SPTBN5: variants seen among roughly 807,000 people sequenced by gnomAD.
SPTBN5 encodes the protein spectrin beta chain, non-erythrocytic 5.
In SPTBN5, 513 loss-of-function variants were observed where a neutral mutation model predicts 477.6. The ratio of observed to expected loss-of-function variants is 1.07; its 90% CI spans 1.00 to 1.16. The LOEUF is 1.16. Ranked by LOEUF, SPTBN5 falls within the 50% of genes most tolerant of loss-of-function variation. The probability of loss-of-function intolerance (pLI) is 0.00; values close to 1 mark genes in which losing one functional copy is unlikely to be tolerated. For missense variants in SPTBN5, 5,062 were observed against 4,731.8 expected, an observed-to-expected ratio of 1.07 and a Z score of -2.05; for synonymous variants, 2,169 against 2,011.7, an observed-to-expected ratio of 1.08 and a Z score of -2.09.
chr15:41,888,364 C>T (rs1418873797), intron 4 of SPTBN5, among the ~76,000 whole-genome samples: 1 of 152,276 alleles, frequency 6.6e-6, no homozygotes, highest in African/African-American at 2.4e-5. Flanking sequence ...GGTGATCACA[C>T]AGCAACAGCT....
chr15:41,880,243 A>G lies in SPTBN5; in HGVS notation c.2728T>C (p.Leu910=), dbSNP rs758959405. Reference sequence around the variant, plus strand: ...AGCACTGTCTGCTTCTCCAGCCACAACTGGAGCTCCCCACAGGAACTGCAG... The same window carrying G: ...AGCACTGTCTGCTTCTCCAGCCACAGCTGGAGCTCCCCACAGGAACTGCAG... ...GFCSSCGELQ[L]WLEKQTVLLQ... The change falls in exon 14 of 68, where the codon TTG becomes CTG. Residue 910 remains leucine (L), a synonymous_variant. Coordinates refer to ENST00000320955, the MANE Select transcript of SPTBN5 (RefSeq NM_016642.4). 4 of 1,607,318 alleles carry G rather than the reference A, an allele frequency of 2.5e-6. No homozygotes were observed. The highest frequency in any genetic ancestry group is 2.2e-5 in the East Asian group (1 of 44,686).
At chr15:41,876,433 A>G (rs2066730132) in intron 20 of SPTBN5, 115 bp downstream of exon 20, 1 of 1,332,782 alleles carries the variant, frequency 7.5e-7, no homozygotes, top group African/African-American at 1.5e-5. Context: ...GAAGGTGTTG[A>G]GAGGATGAAT....
rs767762470 is a variant in SPTBN5 at position 41,869,973 on chromosome 15, C to T, written c.5721G>A (p.Pro1907=). Residue 1907 remains proline, a synonymous_variant, in exon 32 of 68, where the codon CCG becomes CCA. Coordinates refer to ENST00000320955, the MANE Select transcript of SPTBN5 (RefSeq NM_016642.4). ...GCTGCACCGCATGGGCCTGAGGCCCCGGACACAGCTTCTGCACCCTGCCTG... is the reference window on the plus strand; with the variant it reads ...GCTGCACCGCATGGGCCTGAGGCCCTGGACACAGCTTCTGCACCCTGCCTG... ...ETAGRVQKLC[P]GPQAHAVQQR... is the part of the protein sequence containing the mutation. 2.7e-5 allele frequency: 42 copies of T among 1,536,066 alleles called. 1 individual carries two copies. The highest frequency in any genetic ancestry group is 2.3e-4 in the South Asian group (19 of 81,946).
Position 41,879,717 on chromosome 15 carries a change from T to A in SPTBN5, c.2942+17A>T, listed in dbSNP as rs749793076. 1.2e-6 allele frequency: 2 copies of A among 1,612,934 alleles called. No homozygotes were observed. The highest frequency in any genetic ancestry group is 4.5e-5 in the East Asian group (2 of 44,866). On this transcript the variant is annotated intron_variant, in intron 15 of 67. Coordinates refer to ENST00000320955, the MANE Select transcript of SPTBN5 (RefSeq NM_016642.4). ...TGTCTGCCTGCCTCACCACCTGCAC[T>A]CCTGCCTCATTCTCACCTCTGGCTC...
intron 55 of SPTBN5, 37 bp from the exon 56 acceptor site, chr15:41,855,013 TG>T (rs1459812108): frequency 1.3e-6 from 2 of 1,503,954 alleles, no homozygotes; most frequent in African/African-American, 2.8e-5. Flanking sequence ...TCACTTGAGA[TG>T]GTATCATGAG....
Position 41,878,403 on chromosome 15 carries a change from C to G in SPTBN5, c.3409G>C (p.Ala1137Pro). 6.2e-7 allele frequency: 1 copy of G among 1,613,812 alleles called. No individual in the cohort carries two copies. ...SKEVSVDVAS[A>P]QRLLREHQDL... ...TGGTGCTCCCTCAGCAGCCGCTGAG[C>G]CGAGGCCACATCCACTGACACCTCC... The change falls in exon 17 of 68, where the codon GCT becomes CCT. Residue 1137 changes from alanine (A) to proline (P), a missense_variant. Coordinates refer to ENST00000320955, the MANE Select transcript of SPTBN5 (RefSeq NM_016642.4).
Position 41,868,569 on chromosome 15 carries a change from C to G in SPTBN5, c.5886G>C (p.Val1962=). The G allele has an allele frequency of 6.2e-7, 1 of 1,601,630 alleles. No individual in the cohort carries two copies. Among genetic ancestry groups the G allele is most frequent in the Non-Finnish European group, 8.5e-7 (1 of 1,179,670 alleles). The change falls in exon 33 of 68, where the codon GTG becomes GTC. Residue 1962 remains valine, a synonymous_variant. Coordinates refer to ENST00000320955, the MANE Select transcript of SPTBN5 (RefSeq NM_016642.4). ...VRDYASWAAR[V]RQDLQVEESS... The stretch of plus-strand genomic sequence containing the variant: ...TCTCCTCCACCTGCAGGTCCTGGCG[C>G]ACGCGGGCTGCCCAGGAGGCATAGT...
intron 47 of SPTBN5, 22 bp downstream of exon 47, chr15:41,860,564 C>G: frequency 1.4e-6 from 2 of 1,379,330 alleles, no homozygotes; most frequent in Non-Finnish European, 1.9e-6. Context: ...CACAGCACCC[C>G]TCACCCCAGA....
chr15:41,881,311 C>T (rs907690134), intron 12 of SPTBN5, 77 bp from the exon 13 acceptor site: 9 of 1,266,880 alleles, frequency 7.1e-6, no homozygotes, highest in African/African-American at 3.0e-5. Context: ...CCCCTACCTC[C>T]GTGCCCTGAG....
chr15:41,866,005 C>G (rs558585006), intron 38 of SPTBN5, 33 bp downstream of exon 38: 12 of 1,548,582 alleles, frequency 7.7e-6, no homozygotes, highest in South Asian at 3.6e-5. Flanking sequence ...CTCCTCCCCC[C>G]ATCTCTCAGC....
At chr15:41,856,032 C>G (rs1567186250) in intron 53 of SPTBN5, among the ~76,000 whole-genome samples, 1 of 152,252 alleles carries the variant, frequency 6.6e-6, no homozygotes, top group South Asian at 2.1e-4. Flanking sequence ...GCAAATATTC[C>G]TTGCAGTGTT....
Position 41,872,438 on chromosome 15 carries a change from T to C in SPTBN5, c.5029A>G (p.Ile1677Val). 6.4e-7 allele frequency: 1 copy of C among 1,568,710 alleles called. No homozygotes were observed. Among genetic ancestry groups the C allele is most frequent in the Non-Finnish European group, 8.6e-7 (1 of 1,157,380 alleles). The change falls in exon 27 of 68, where the codon ATT becomes GTT. Residue 1677 changes from isoleucine to valine, a missense_variant. Transcript: ENST00000320955. The stretch of plus-strand genomic sequence containing the variant: ...AGCTCCTCCATGGAGCTCCAGTAAA[T>C]GGCTAGTTCCTCCTGTAGAGCCTAT... ...KHQALQEELAIYWSSMEELDQ... is the reference protein window; with the variant it reads ...KHQALQEELAVYWSSMEELDQ...
intron 4 of SPTBN5, 41 bp from the exon 5 acceptor site, chr15:41,888,126 G>A (rs1055252756): frequency 1.3e-6 from 2 of 1,538,944 alleles, no homozygotes; most frequent in East Asian, 4.9e-5. Context: ...CGGGGATGGG[G>A]TGGGGAGGCA....
Position 41,886,230 on chromosome 15 carries a change from C to T in SPTBN5, c.1025G>A (p.Arg342Gln), listed in dbSNP as rs1178923626. The change falls in exon 7 of 68, where the codon CGG becomes CAG. Residue 342 changes from arginine (R) to glutamine (Q), a missense_variant. Physicochemically the swap from Arg to Gln is conservative, Grantham distance 43. Coordinates refer to ENST00000320955, the MANE Select transcript of SPTBN5 (RefSeq NM_016642.4). ...GATGGTGAATGCTGCCAGTAGCTGC[C>T]GCATGGCGGGCAGCGAGTCTGGAAA... is the stretch of plus-strand genomic sequence containing the variant. ...RDFPDSLPAM[R>Q]QLLAAFTIFR... is the part of the protein sequence containing the mutation. 8.1e-6 allele frequency: 13 copies of T among 1,612,990 alleles called. No homozygotes were observed. The highest frequency in any genetic ancestry group is 4.0e-5 in the African/African-American group (3 of 74,954).
At position 41,851,088 on chromosome 15, in the gene SPTBN5, G is replaced by A. The variant is rs367924416; in HGVS notation, c.10806C>T (p.Arg3602=). 6.3e-5 allele frequency: 101 copies of A among 1,612,838 alleles called. No individual in the cohort carries two copies. Among genetic ancestry groups the A allele is most frequent in the Middle Eastern group, 1.6e-4 (1 of 6,082 alleles). Residue 3602 remains arginine, a synonymous_variant, in exon 65 of 68, where the codon CGC becomes CGT. Transcript: ENST00000320955. ...AGGAGAATGTGTGTTTCCTGCCGTG[G>A]CGGCCCCGCAGCCTCTCACACCGGG... The part of the protein sequence containing the change: ...TGARCERLRG[R]HGRKHTFSLR...
In SPTBN5 at chr15:41,848,347, G is replaced by A. The variant is rs2065623874; in HGVS notation, c.*269C>T. On this transcript the variant is annotated 3_prime_UTR_variant, in exon 68 of 68. Transcript: ENST00000320955. ...GAGGAGGCCACATGGGCCTGGGGTA[G>A]CCCTGGCCTTGCCCACCTGCTCTGC... 1 of 565,646 alleles carries A rather than the reference G, an allele frequency of 1.8e-6. No homozygotes were observed. The highest frequency in any genetic ancestry group is 3.0e-5 in the East Asian group (1 of 33,200). 35.0% of individuals were successfully genotyped at this position (565,646 alleles called of 1,614,324 possible).
chr15:41,850,983 G>A (rs754975534), intron 65 of SPTBN5, 44 bp from the exon 66 acceptor site: 2 of 1,588,286 alleles, frequency 1.3e-6, no homozygotes, highest in Non-Finnish European at 1.7e-6. Flanking sequence ...TCCCTTTGGG[G>A]ACCCCCACGC....
chr15:41,879,656 C>G, intron 15 of SPTBN5, 78 bp downstream of exon 15: 1 of 1,566,086 alleles, frequency 6.4e-7, no homozygotes, highest in Non-Finnish European at 8.6e-7. Flanking sequence ...TCTGGCATGG[C>G]GGGAGGCAGG....
chr15:41,857,425 C>A lies in SPTBN5; in HGVS notation c.8434G>T (p.Ala2812Ser). The change falls in exon 51 of 68, where the codon GCC becomes TCC. Residue 2812 changes from alanine (A) to serine (S), a missense_variant. By Grantham distance (99) the Ala-to-Ser change is moderately conservative. Coordinates refer to ENST00000320955, the MANE Select transcript of SPTBN5 (RefSeq NM_016642.4). ...GGCAGGGCCTGGCCCACAGTGGGGG[C>A]TCTCAGCTCAACCTCGATGGGCTCC... ...WLEPIEVELR[A>S]PTVGQALPGV... 6.2e-7 allele frequency: 1 copy of A among 1,603,026 alleles called. No individual in the cohort carries two copies. The highest frequency in any genetic ancestry group is 2.3e-5 in the East Asian group (1 of 44,420).
Sources: allele counts gnomAD v4.1 joint callset (sites outside exome capture counted in the v4.1 genomes callset), GRCh38; gene constraint gnomAD v4.1.1; transcripts MANE v1.5; gene names NCBI Gene and HGNC (gene_info 2026-07-23, HGNC 2026-07-21).